OR4C16: variants seen among roughly 807,000 people sequenced by gnomAD.
OR4C16 encodes olfactory receptor 4C16.
In OR4C16, 24 loss-of-function variants were observed where a neutral mutation model predicts 14.4. The observed-to-expected ratio is 1.66, with a 90% confidence interval of 1.21 to 2.34. The LOEUF is 2.34. Ranked by LOEUF, OR4C16 falls within the 30% of genes most tolerant of loss-of-function variation. The pLI is 0.00. For missense variants in OR4C16, 674 were observed against 364.2 expected (o/e 1.85, Z -6.92); for synonymous variants, 233 against 133.5 (o/e 1.75, Z -5.14).
In OR4C16 at chr11:55,572,434, C is replaced by T. The variant is rs1180917834; in HGVS notation, c.307C>T (p.His103Tyr). The T allele has an allele frequency of 1.9e-6, 3 of 1,613,984 alleles. No homozygotes were observed. The highest frequency in any genetic ancestry group is 2.2e-5 in the South Asian group (2 of 91,082). ...SECMIQVFSS[H>Y]VFGCLEIFIL... Reference sequence around the variant, plus strand: ...GTGCATGATCCAAGTCTTTTCATCCCATGTCTTTGGCTGCCTGGAGATCTT... The same window carrying T: ...GTGCATGATCCAAGTCTTTTCATCCTATGTCTTTGGCTGCCTGGAGATCTT... The change falls in exon 1 of 1, where the codon CAT becomes TAT. Residue 103 changes from histidine to tyrosine, a missense_variant. Coordinates refer to ENST00000623907, the MANE Select transcript of OR4C16 (RefSeq NM_001004701.2).
Position 55,572,747 on chromosome 11 carries a change from T to C in OR4C16, c.620T>C (p.Val207Ala). ...TCCAATAGTGGGGCCATTTGTGCAG[T>C]GAGTTATGTCATGCTAATATTCTCC... ...LVSNSGAICA[V>A]SYVMLIFSYV... Residue 207 changes from valine (V) to alanine (A), a missense_variant, in exon 1 of 1, where the codon GTG (valine) becomes GCG (alanine). Coordinates refer to ENST00000623907, the MANE Select transcript of OR4C16 (RefSeq NM_001004701.2). 1.2e-6 allele frequency: 2 copies of C among 1,613,946 alleles called. No homozygotes were observed. Among genetic ancestry groups the C allele is most frequent in the Non-Finnish European group, 1.7e-6 (2 of 1,179,854 alleles).
At position 55,572,605 on chromosome 11, in the gene OR4C16, C is replaced by G. The variant is rs1201768965; in HGVS notation, c.478C>G (p.Leu160Val). The G allele has an allele frequency of 1.4e-5, 22 of 1,614,000 alleles. No individual in the cohort carries two copies. The highest frequency in any genetic ancestry group is 2.7e-5 in the African/African-American group (2 of 74,902). ...SCVHSLVQIFLALSLPFCGPN... is the reference protein window; with the variant it reads ...SCVHSLVQIFVALSLPFCGPN... ...TGTGCATTCTTTAGTTCAGATTTTT[C>G]TTGCCCTGAGTTTGCCATTCTGTGG... Residue 160 changes from leucine to valine, a missense_variant, in exon 1 of 1, where the codon CTT becomes GTT. Transcript: ENST00000623907.
rs768151454 is a variant in OR4C16 at position 55,572,899 on chromosome 11, T to G, written c.772T>G (p.Cys258Gly). 2.5e-6 allele frequency: 4 copies of G among 1,613,956 alleles called. No individual in the cohort carries two copies. The highest frequency in any genetic ancestry group is 2.2e-5 in the East Asian group (1 of 44,862). ...FFGPCIFMYT[C>G]LATVFPMDKM... Reference sequence around the variant, plus strand: ...TGGACCTTGCATATTTATGTACACATGCCTTGCAACCGTATTCCCCATGGA... The same window carrying G: ...TGGACCTTGCATATTTATGTACACAGGCCTTGCAACCGTATTCCCCATGGA... Residue 258 changes from cysteine to glycine, a missense_variant, in exon 1 of 1, where the codon TGC (cysteine) becomes GGC (glycine). Coordinates refer to ENST00000623907, the MANE Select transcript of OR4C16 (RefSeq NM_001004701.2).
In OR4C16 at chr11:55,572,592, A is replaced by G; in HGVS notation, c.465A>G (p.Leu155=). 6.2e-7 allele frequency: 1 copy of G among 1,613,930 alleles called. No individual in the cohort carries two copies. Among genetic ancestry groups the G allele is most frequent in the Non-Finnish European group, 8.5e-7 (1 of 1,179,970 alleles). ...GGGTGGGATCCTGTGTGCATTCTTT[A>G]GTTCAGATTTTTCTTGCCCTGAGTT... ...VAWVGSCVHS[L]VQIFLALSLP... is the part of the protein sequence containing the mutation. Residue 155 remains leucine (L), a synonymous_variant, in exon 1 of 1, where the codon TTA becomes TTG. Coordinates refer to ENST00000623907, the MANE Select transcript of OR4C16 (RefSeq NM_001004701.2).
rs150706012 is a variant in OR4C16 at position 55,572,407 on chromosome 11, G to A, written c.280G>A (p.Glu94Lys). The A allele has an allele frequency of 3.1e-6, 5 of 1,613,892 alleles. No individual in the cohort carries two copies. The highest frequency in any genetic ancestry group is 1.1e-5 in the South Asian group (1 of 91,072). ...GAAGAAGACAACTATCTCCTTCAGCGAGTGCATGATCCAAGTCTTTTCATC... is the reference window on the plus strand; with the variant it reads ...GAAGAAGACAACTATCTCCTTCAGCAAGTGCATGATCCAAGTCTTTTCATC... The part of the protein sequence containing the change: ...LLKKTTISFS[E>K]CMIQVFSSHV... Residue 94 changes from glutamate to lysine, a missense_variant, in exon 1 of 1, where the codon GAG becomes AAG. Physicochemically the swap from Glu to Lys is moderately conservative, Grantham distance 56. Coordinates refer to ENST00000623907, the MANE Select transcript of OR4C16 (RefSeq NM_001004701.2).
At position 55,572,650 on chromosome 11, in the gene OR4C16, T is replaced by C; in HGVS notation, c.523T>C (p.Cys175Arg). The C allele has an allele frequency of 1.9e-6, 3 of 1,614,246 alleles. No individual in the cohort carries two copies. Residue 175 changes from cysteine to arginine, a missense_variant, in exon 1 of 1, where the codon TGT (cysteine) becomes CGT (arginine). Physicochemically the swap from Cys to Arg is radical, Grantham distance 180. Coordinates refer to ENST00000623907, the MANE Select transcript of OR4C16 (RefSeq NM_001004701.2). ...CTGTGGCCCCAATGTGATCAATCAC[T>C]GTTTCTGTGACTTGCAGCCCTTGTT... ...PFCGPNVINH[C>R]FCDLQPLLKQ...
At position 55,572,637 on chromosome 11, in the gene OR4C16, T is replaced by C. The variant is rs1391568960; in HGVS notation, c.510T>C (p.Asn170=). 11 of 1,614,094 alleles carry C rather than the reference T, an allele frequency of 6.8e-6. No individual in the cohort carries two copies. The highest frequency in any genetic ancestry group is 4.0e-5 in the African/African-American group (3 of 74,940). ...LALSLPFCGP[N]VINHCFCDLQ... is the part of the protein sequence containing the mutation. ...TGAGTTTGCCATTCTGTGGCCCCAA[T>C]GTGATCAATCACTGTTTCTGTGACT... Residue 170 remains asparagine, a synonymous_variant, in exon 1 of 1, where the codon AAT becomes AAC. Transcript: ENST00000623907.
Position 55,572,780 on chromosome 11 carries a change from T to C in OR4C16, c.653T>C (p.Ile218Thr), listed in dbSNP as rs780635927. The change falls in exon 1 of 1, where the codon ATC (isoleucine) becomes ACC (threonine). Residue 218 changes from isoleucine (I) to threonine (T), a missense_variant. Physicochemically the swap from Ile to Thr is moderately conservative, Grantham distance 89 (BLOSUM62 -1). Coordinates refer to ENST00000623907, the MANE Select transcript of OR4C16 (RefSeq NM_001004701.2). Reference sequence around the variant, plus strand: ...GTCATGCTAATATTCTCCTATGTCATCTTCTTGCATTCTCTGAGAAACCAC... The same window carrying C: ...GTCATGCTAATATTCTCCTATGTCACCTTCTTGCATTCTCTGAGAAACCAC... ...SYVMLIFSYVIFLHSLRNHSA... is the reference protein window; with the variant it reads ...SYVMLIFSYVTFLHSLRNHSA... 1.2e-5 allele frequency: 19 copies of C among 1,614,036 alleles called. No homozygotes were observed. The highest frequency in any genetic ancestry group is 2.7e-5 in the African/African-American group (2 of 74,940).
rs953662794 is a variant in OR4C16 at position 55,572,683 on chromosome 11, G to A, written c.556G>A (p.Ala186Thr). The A allele has an allele frequency of 8.1e-6, 13 of 1,613,938 alleles. No individual in the cohort carries two copies. The highest frequency in any genetic ancestry group is 7.7e-5 in the South Asian group (7 of 91,086). Residue 186 changes from alanine (A) to threonine (T), a missense_variant, in exon 1 of 1, where the codon GCC (alanine) becomes ACC (threonine). Coordinates refer to ENST00000623907, the MANE Select transcript of OR4C16 (RefSeq NM_001004701.2). ...TGACTTGCAGCCCTTGTTGAAACAA[G>A]CCTGTTCAGAAACCTATGTGGTTAA... Reference protein sequence around the residue: ...FCDLQPLLKQACSETYVVNLL... With the variant: ...FCDLQPLLKQTCSETYVVNLL...
Sources: allele counts gnomAD v4.1 joint callset, GRCh38; gene constraint gnomAD v4.1.1; transcripts MANE v1.5; gene names NCBI Gene and HGNC (gene_info 2026-07-23, HGNC 2026-07-21).